The following MAP7D2 variants were observed in gnomAD, a reference collection of about 807,000 sequenced individuals.
MAP7D2 encodes MAP7 domain-containing protein 2.
Under a neutral mutation model 63.5 loss-of-function variants are expected in MAP7D2, and 33 were observed. That is an observed-to-expected ratio of 0.52 (90% CI 0.39 to 0.70). The LOEUF (loss-of-function observed/expected upper bound fraction) is 0.70, where lower values mean the gene tolerates loss of function less well. Among genes scored for constraint, MAP7D2 ranks in the 30% least tolerant of loss-of-function variants. The pLI, the probability that MAP7D2 is intolerant of heterozygous loss-of-function variation, is 0.00. For synonymous variants in MAP7D2, 224 were observed against 223.7 expected (o/e 1.00, Z -0.01); for missense variants, 626 against 604.0 (o/e 1.04, Z -0.38).
intron 1 of MAP7D2, among the ~76,000 whole-genome samples, chrX:20,107,664 C>T (rs1314599887): frequency 9.0e-6 from 1 of 110,855 alleles, no homozygotes; most frequent in Non-Finnish European, 1.9e-5. Context: ...TTAATTTCAC[C>T]GTTTCTTTTT....
chrX:20,015,600 G>A (rs909985546), intron 11 of MAP7D2, among the ~76,000 whole-genome samples: 19 of 112,582 alleles, frequency 1.7e-4, no homozygotes, highest in Non-Finnish European at 1.9e-5. Context: ...CTTGGGCCAT[G>A]AAGTGTGCAT....
At chrX:20,028,824 T>C (rs2073955268) in intron 8 of MAP7D2, among the ~76,000 whole-genome samples, 1 of 112,145 alleles carries the variant, frequency 8.9e-6, no homozygotes, top group South Asian at 3.7e-4. Flanking sequence ...ATTTGAAACT[T>C]GGCGATAGAG....
At chrX:20,052,357 C>T in intron 5 of MAP7D2, 1 of 260,956 alleles carries the variant, frequency 3.8e-6, no homozygotes, top group Admixed American at 4.5e-5. Context: ...AGAGCGCCAC[C>T]CAACCTTTTC....
At chrX:20,020,824 C>T (rs2073612199) in intron 10 of MAP7D2, among the ~76,000 whole-genome samples, 1 of 111,821 alleles carries the variant, frequency 8.9e-6, no homozygotes, top group Non-Finnish European at 1.9e-5. Flanking sequence ...TGACCTTGCT[C>T]GTAGGGAGCT....
chrX:20,064,155 C>T (rs1455503869), intron 2 of MAP7D2, among the ~76,000 whole-genome samples: 1 of 111,677 alleles, frequency 9.0e-6, no homozygotes, highest in Non-Finnish European at 1.9e-5. Context: ...ATGCTTGTAC[C>T]GACCAGCAGG....
At position 20,058,355 on chromosome X, in the gene MAP7D2, T is replaced by C. The variant is rs747525346; in HGVS notation, c.373-1564A>G. Reference sequence around the variant, plus strand: ...TTTAACCAATGACCTAACTGAAGTGTTGAAACCTTTCATCCTAGAGTGAAT... The same window carrying C: ...TTTAACCAATGACCTAACTGAAGTGCTGAAACCTTTCATCCTAGAGTGAAT... On this transcript the variant is annotated intron_variant, in intron 3 of 16. Transcript: ENST00000379643. Among the ~76,000 whole-genome samples the C allele has an allele frequency of 2.7e-5, 3 of 112,703 alleles. No individual in the cohort carries two copies. The East Asian group carries it at 8.3e-4, about 31-fold the overall frequency.
chrX:20,061,160 A>T (rs2065216291), intron 3 of MAP7D2, among the ~76,000 whole-genome samples: 1 of 103,835 alleles, frequency 9.6e-6, no homozygotes, highest in Middle Eastern at 4.8e-3. Flanking sequence ...TCTGACACTG[A>T]GAAGAGAATG....
At chrX:20,113,088 TC>T (rs2066791414) in intron 1 of MAP7D2, among the ~76,000 whole-genome samples, 1 of 111,131 alleles carries the variant, frequency 9.0e-6, no homozygotes, top group Admixed American at 9.6e-5. Context: ...CAGCAGTTTG[TC>T]CTGAAGGTCC....
intron 15 of MAP7D2, among the ~76,000 whole-genome samples, chrX:20,011,362 A>C (rs915949582): frequency 8.9e-5 from 10 of 111,799 alleles, no homozygotes; most frequent in African/African-American, 3.3e-4. Context: ...TACCACAAAG[A>C]AGCAAGGCAT....
chrX:20,111,423 C>T (rs1173234657), intron 1 of MAP7D2, among the ~76,000 whole-genome samples: 1 of 111,920 alleles, frequency 8.9e-6, no homozygotes, highest in African/African-American at 3.2e-5. Context: ...AGGGTAAAAG[C>T]GCGTCTTAGA....
At chrX:20,034,964 G>A (rs1305179628) in intron 8 of MAP7D2, among the ~76,000 whole-genome samples, 1 of 111,687 alleles carries the variant, frequency 9.0e-6, no homozygotes, top group Non-Finnish European at 1.9e-5. Flanking sequence ...GCATGGCTCT[G>A]CTATAATGTC....
intron 10 of MAP7D2, among the ~76,000 whole-genome samples, chrX:20,022,515 G>A (rs1479184853): frequency 9.0e-6 from 1 of 110,997 alleles, no homozygotes; most frequent in Non-Finnish European, 1.9e-5. Context: ...GTCCAGGTGA[G>A]AAGCGATGGG....
At chrX:20,101,115 C>T (rs779671881) in intron 1 of MAP7D2, among the ~76,000 whole-genome samples, 1 of 111,601 alleles carries the variant, frequency 9.0e-6, no homozygotes, top group African/African-American at 3.3e-5. Flanking sequence ...TCTGCTGACA[C>T]CTTGATTTTA....
chrX:20,029,581 T>C (rs755156954), intron 8 of MAP7D2, among the ~76,000 whole-genome samples: 1 of 111,921 alleles, frequency 8.9e-6, no homozygotes, highest in Admixed American at 9.5e-5. Context: ...TAAATAAAAC[T>C]GGACCAATTA....
intron 8 of MAP7D2, among the ~76,000 whole-genome samples, chrX:20,029,946 A>G (rs1201730134): frequency 1.8e-5 from 2 of 112,313 alleles, no homozygotes; most frequent in Admixed American, 9.4e-5. Context: ...AGTGCTAAGC[A>G]CAGGTATCCG....
intron 8 of MAP7D2, among the ~76,000 whole-genome samples, chrX:20,036,622 T>C (rs1419848852): frequency 9.5e-6 from 1 of 105,066 alleles, no homozygotes; most frequent in Non-Finnish European, 2.0e-5. Flanking sequence ...AAAAAGATTT[T>C]CGGCCAGGCG....
intron 8 of MAP7D2, among the ~76,000 whole-genome samples, chrX:20,035,698 G>A (rs2074201261): frequency 9.1e-6 from 1 of 110,057 alleles, no homozygotes; most frequent in African/African-American, 3.3e-5. Flanking sequence ...AGACCATCCT[G>A]GCTAACATGG....
At chrX:20,049,878 C>G in intron 6 of MAP7D2, 1 of 321,589 alleles carries the variant, frequency 3.1e-6, no homozygotes, top group Middle Eastern at 5.7e-4. Context: ...TCTAGTCATC[C>G]TAGTGGGTGT....
At chrX:20,020,526 A>G (rs1221581162) in intron 10 of MAP7D2, among the ~76,000 whole-genome samples, 2 of 111,884 alleles carry the variant, frequency 1.8e-5, no homozygotes, top group African/African-American at 6.5e-5. Flanking sequence ...CCTATGTCTT[A>G]TCAAAAGTCC....
Sources: gnomAD v4.1 joint callset for allele counts (sites outside exome capture counted in the v4.1 genomes callset) on GRCh38, gnomAD v4.1.1 for gene constraint, MANE v1.5 for transcripts, NCBI Gene and HGNC (gene_info 2026-07-23, HGNC 2026-07-21) for gene names.